The following MRTFB variants were observed in gnomAD, a reference collection of about 807,000 sequenced individuals.
MRTFB encodes the protein myocardin related transcription factor B, also known as myocardin-related transcription factor B.
A neutral mutation model predicts 104.2 loss-of-function variants in MRTFB; 29 were observed. The observed-to-expected ratio is 0.28, with a 90% CI of 0.21 to 0.38. The LOEUF is 0.38. Ranked by LOEUF, MRTFB falls within the 10% of genes least tolerant of loss-of-function variation. The pLI, the probability that MRTFB is intolerant of heterozygous loss-of-function variation, is 1.00. For synonymous variants in MRTFB, 535 were observed against 519.5 expected, an observed-to-expected ratio of 1.03 and a Z score of -0.41; for missense variants, 1,270 against 1,341.6, an observed-to-expected ratio of 0.95 and a Z score of 0.83.
the MRTFB span, among the ~76,000 whole-genome samples, chr16:13,995,158 C>T: frequency 6.6e-6 from 1 of 152,156 alleles, no homozygotes; most frequent in Admixed American, 6.5e-5. Context: ...AAAGAGACCT[C>T]GTTGGGACTC....
At chr16:14,198,793 C>T (rs987921625) in intron 3 of MRTFB, among the ~76,000 whole-genome samples, 17 of 152,236 alleles carry the variant, frequency 1.1e-4, no homozygotes, top group Admixed American at 9.8e-4. Flanking sequence ...CGCCAATCCT[C>T]ATTGCCCTCC....
chr16:14,138,239 T>C (rs1427658008), intron 2 of MRTFB, among the ~76,000 whole-genome samples: 2 of 152,056 alleles, frequency 1.3e-5, no homozygotes, highest in Non-Finnish European at 2.9e-5. Context: ...CTTTGAATGA[T>C]GATAATGTAG....
At chr16:14,124,242 C>T (rs189477329) in intron 2 of MRTFB, among the ~76,000 whole-genome samples, 18 of 152,182 alleles carry the variant, frequency 1.2e-4, no homozygotes, top group African/African-American at 3.1e-4. Flanking sequence ...TTTTCCTATT[C>T]GAATACCCTT....
the MRTFB span, among the ~76,000 whole-genome samples, chr16:14,026,375 C>G: frequency 6.6e-6 from 1 of 152,124 alleles, no homozygotes; most frequent in Non-Finnish European, 1.5e-5. Context: ...ATATAAATTT[C>G]AAACCAAGCC....
chr16:14,227,357 G>C (rs541798813), intron 8 of MRTFB, among the ~76,000 whole-genome samples: 1 of 152,208 alleles, frequency 6.6e-6, no homozygotes, highest in Non-Finnish European at 1.5e-5. Context: ...CTTTTCCCCT[G>C]TAATGTCTGT....
At chr16:14,225,274 G>A (rs1319239636) in intron 8 of MRTFB, among the ~76,000 whole-genome samples, 2 of 152,018 alleles carry the variant, frequency 1.3e-5, no homozygotes, top group African/African-American at 4.8e-5. Context: ...TTTCCTACAG[G>A]ATTTAAAATA....
chr16:14,236,522 T>C (rs1052116336), intron 9 of MRTFB, among the ~76,000 whole-genome samples: 2 of 152,010 alleles, frequency 1.3e-5, no homozygotes, highest in South Asian at 4.2e-4. Flanking sequence ...TGATGAATAA[T>C]GTGATGATGG....
At chr16:14,195,190 CT>C (rs2040378796) in intron 3 of MRTFB, among the ~76,000 whole-genome samples, 1 of 152,172 alleles carries the variant, frequency 6.6e-6, no homozygotes, top group Non-Finnish European at 1.5e-5. Context: ...AACATCAGAA[CT>C]TTTCTCCACA....
At chr16:14,167,891 G>GT (rs1341569265) in intron 3 of MRTFB, among the ~76,000 whole-genome samples, 2 of 151,882 alleles carry the variant, frequency 1.3e-5, no homozygotes, top group African/African-American at 4.8e-5. Context: ...GTTTCACCGT[G>GT]TTAACCAGGA....
chr16:14,135,261 G>T (rs2037650740), intron 2 of MRTFB, among the ~76,000 whole-genome samples: 1 of 152,100 alleles, frequency 6.6e-6, no homozygotes, highest in South Asian at 2.1e-4. Context: ...TCTTTACCTT[G>T]CAAATGGGCC....
chr16:14,016,515 G>A, the MRTFB span, among the ~76,000 whole-genome samples: 1 of 152,240 alleles, frequency 6.6e-6, no homozygotes, highest in Middle Eastern at 3.4e-3. Flanking sequence ...GCTCACGCCT[G>A]TAATCCCAGT....
At chr16:14,060,716 T>A in the MRTFB span, among the ~76,000 whole-genome samples, 1 of 152,090 alleles carries the variant, frequency 6.6e-6, no homozygotes, top group Non-Finnish European at 1.5e-5. Flanking sequence ...CTGAGCTTTT[T>A]CTCTTATCCA....
At chr16:14,143,978 C>A (rs2038161099) in intron 3 of MRTFB, 1 of 152,228 alleles carries the variant, frequency 6.6e-6, no homozygotes, top group Non-Finnish European at 1.5e-5. Context: ...TAATATTTGA[C>A]TACGTTTTAA....
intron 16 of MRTFB, among the ~76,000 whole-genome samples, chr16:14,259,224 C>A (rs2043652889): frequency 6.6e-6 from 1 of 152,134 alleles, no homozygotes; most frequent in African/African-American, 2.4e-5. Context: ...CACTTGAGGT[C>A]AGGAGTTCAA....
intron 3 of MRTFB, among the ~76,000 whole-genome samples, chr16:14,204,265 C>T (rs1057254532): frequency 6.6e-6 from 1 of 152,254 alleles, no homozygotes; most frequent in Non-Finnish European, 1.5e-5. Flanking sequence ...CATGAAGCAC[C>T]GAGTTTGGCC....
chr16:14,222,869 T>C (rs1022194796), intron 8 of MRTFB, among the ~76,000 whole-genome samples: 19 of 151,836 alleles, frequency 1.3e-4, no homozygotes, highest in African/African-American at 4.4e-4. Flanking sequence ...TTTTTTCACA[T>C]GCCAAATTTT....
chr16:14,094,420 C>T (rs942976719), intron 2 of MRTFB, among the ~76,000 whole-genome samples: 5 of 152,296 alleles, frequency 3.3e-5, no homozygotes, highest in African/African-American at 1.2e-4. Context: ...CTAGCAGATA[C>T]AATGAATTTG....
chr16:14,012,295 C>CTTTTTTTTTTTT, the MRTFB span, among the ~76,000 whole-genome samples: 1 of 107,922 alleles, frequency 9.3e-6, no homozygotes, highest in Admixed American at 9.3e-5. Context: ...CTTTTTCTTT[C>CTTTTTTTTTTTT]TTTCTTTTTT....
chr16:14,213,718 A>G (rs946220842), intron 6 of MRTFB, 98 bp downstream of exon 6: 3 of 927,092 alleles, frequency 3.2e-6, no homozygotes, highest in South Asian at 1.7e-5. Flanking sequence ...TAACTTTTTA[A>G]CCCACAGCCT....
Sources: allele counts gnomAD v4.1 joint callset (sites outside exome capture counted in the v4.1 genomes callset), GRCh38; gene constraint gnomAD v4.1.1; transcripts MANE v1.5; gene names NCBI Gene and HGNC (gene_info 2026-07-23, HGNC 2026-07-21).